The following CAMKMT variants were observed in gnomAD, a reference collection of about 807,000 sequenced individuals.
The protein encoded by CAMKMT is CaM KMT.
In CAMKMT, 53 loss-of-function variants were observed where a neutral mutation model predicts 48.0. The observed-to-expected ratio is 1.10, with a 90% CI of 0.89 to 1.39. CAMKMT has a LOEUF of 1.39. CAMKMT is among the 40% of genes most tolerant of loss of function. CAMKMT has a pLI of 0.00. For missense variants in CAMKMT, 428 were observed against 402.7 expected (o/e 1.06, Z -0.54); for synonymous variants, 165 against 152.3 (o/e 1.08, Z -0.61).
At chr2:44,534,413 C>T (rs1286453835) in intron 3 of CAMKMT, among the ~76,000 whole-genome samples, 1 of 152,102 alleles carries the variant, frequency 6.6e-6, no homozygotes, top group African/African-American at 2.4e-5. Context: ...CAACATTTTA[C>T]CCAACAGCTC....
At chr2:44,463,203 G>T (rs1253257717) in intron 3 of CAMKMT, among the ~76,000 whole-genome samples, 1 of 152,154 alleles carries the variant, frequency 6.6e-6, no homozygotes, top group Non-Finnish European at 1.5e-5. Context: ...AAAACTTAAT[G>T]GCTTACAGTA....
At chr2:44,664,343 A>G (rs936614361) in intron 3 of CAMKMT, among the ~76,000 whole-genome samples, 2 of 152,202 alleles carry the variant, frequency 1.3e-5, no homozygotes, top group Non-Finnish European at 2.9e-5. Flanking sequence ...ATTGCTTGGA[A>G]CAAACGTTAG....
chr2:44,707,971 A>C (rs1017484372), intron 6 of CAMKMT, among the ~76,000 whole-genome samples: 3 of 151,884 alleles, frequency 2.0e-5, no homozygotes, highest in Non-Finnish European at 4.4e-5. Flanking sequence ...ATTTCCTTTT[A>C]TTTAGGATTT....
At chr2:44,364,628 A>T (rs552391520) in intron 1 of CAMKMT, among the ~76,000 whole-genome samples, 2 of 152,354 alleles carry the variant, frequency 1.3e-5, no homozygotes, top group Admixed American at 1.3e-4. Context: ...TAAGTGGCGC[A>T]TAGCACCTAG....
At chr2:44,636,701 A>G (rs1395588978) in intron 3 of CAMKMT, among the ~76,000 whole-genome samples, 5 of 152,254 alleles carry the variant, frequency 3.3e-5, no homozygotes, top group African/African-American at 9.6e-5. Context: ...AGAATGTATT[A>G]GCTGTGTCTT....
intron 3 of CAMKMT, among the ~76,000 whole-genome samples, chr2:44,572,980 C>T (rs1200687183): frequency 6.6e-6 from 1 of 152,134 alleles, no homozygotes; most frequent in Non-Finnish European, 1.5e-5. Flanking sequence ...TTAATCTTTT[C>T]ATGTGCTGTT....
At chr2:44,366,301 G>A (rs930759241) in intron 1 of CAMKMT, among the ~76,000 whole-genome samples, 19 of 152,184 alleles carry the variant, frequency 1.2e-4, no homozygotes, top group African/African-American at 4.1e-4. Context: ...TGACACTGGC[G>A]TCAGATGCAT....
intron 3 of CAMKMT, among the ~76,000 whole-genome samples, chr2:44,490,261 T>G (rs1284087207): frequency 6.6e-6 from 1 of 152,100 alleles, no homozygotes; most frequent in Non-Finnish European, 1.5e-5. Context: ...TTTCTTTTTC[T>G]TGTCTTTTTC....
rs114652993 is a variant in CAMKMT, at chr2:44,552,429, A to G, written c.377-151854A>G. Among the ~76,000 whole-genome samples the G allele has an allele frequency of 6.0e-3, 912 of 152,256 alleles. 5 individuals carry two copies. The highest frequency in any genetic ancestry group is 0.021 in the African/African-American group (875 of 41,532). ...GAGGATTTAAGAAATCCTAGAAAAG[A>G]TTTCTAAAATGGAAGATTTTACTTG... is the stretch of plus-strand genomic sequence containing the variant. On this transcript the variant is annotated intron_variant, in intron 3 of 10. Transcript: ENST00000378494.
At chr2:44,472,638 G>A (rs957531355) in intron 3 of CAMKMT, among the ~76,000 whole-genome samples, 1 of 152,112 alleles carries the variant, frequency 6.6e-6, no homozygotes, top group African/African-American at 2.4e-5. Context: ...GTAAGACTTG[G>A]TGCCTGTCAC....
intron 3 of CAMKMT, among the ~76,000 whole-genome samples, chr2:44,611,417 G>C (rs1671592877): frequency 6.7e-6 from 1 of 150,324 alleles, no homozygotes. Flanking sequence ...TGGGGGACAA[G>C]AGCAAGACTT....
At position 44,769,715 on chromosome 2, in the gene CAMKMT, G is replaced by T. The variant is rs968756886; in HGVS notation, c.895-2321G>T. ...TTATTTTTCTGTATTTTTGTACATA[G>T]CTCTGAAAATAGGCTTGGGCTGGGC... On this transcript the variant is annotated intron_variant, in intron 10 of 10. Coordinates refer to ENST00000378494, the MANE Select transcript of CAMKMT (RefSeq NM_024766.5). 3.9e-5 allele frequency among the ~76,000 whole-genome samples: 6 copies of T among 151,900 alleles called. No individual in the cohort carries two copies. In the East Asian group the frequency reaches 7.7e-4, roughly 20 times the overall value.
intron 3 of CAMKMT, among the ~76,000 whole-genome samples, chr2:44,621,342 C>T (rs955581784): frequency 6.0e-5 from 9 of 149,336 alleles, no homozygotes; most frequent in Admixed American, 2.0e-4. Context: ...TTCCAAAACT[C>T]TACTCATGTT....
intron 3 of CAMKMT, among the ~76,000 whole-genome samples, chr2:44,688,524 G>T (rs928012344): frequency 1.3e-5 from 2 of 150,734 alleles, no homozygotes; most frequent in African/African-American, 4.9e-5. Context: ...ATATATTTTA[G>T]CAATCTGAAT....
intron 1 of CAMKMT, among the ~76,000 whole-genome samples, chr2:44,371,860 T>C (rs1413242944): frequency 6.6e-6 from 1 of 152,342 alleles, no homozygotes; most frequent in East Asian, 1.9e-4. Flanking sequence ...CATTTTGTCA[T>C]AATTTTTCTT....
At chr2:44,650,979 T>C (rs537547406) in intron 3 of CAMKMT, among the ~76,000 whole-genome samples, 1 of 152,214 alleles carries the variant, frequency 6.6e-6, no homozygotes, top group Non-Finnish European at 1.5e-5. Context: ...GTGGCCAATC[T>C]AAAAACACCA....
At chr2:44,362,184 C>A in intron 1 of CAMKMT, 39 bp downstream of exon 1, 2 of 1,419,948 alleles carry the variant, frequency 1.4e-6, no homozygotes, top group South Asian at 1.4e-5. Flanking sequence ...TGCCTCTGGT[C>A]ACTCCTCTCT....
chr2:44,706,686 G>A (rs542227435), intron 5 of CAMKMT, among the ~76,000 whole-genome samples: 4 of 151,098 alleles, frequency 2.6e-5, no homozygotes, highest in South Asian at 2.1e-4. Context: ...CACAGTTGGA[G>A]CACCATGATA....
intron 3 of CAMKMT, among the ~76,000 whole-genome samples, chr2:44,395,636 C>T (rs1681764266): frequency 1.3e-5 from 2 of 152,118 alleles, no homozygotes; most frequent in Admixed American, 6.5e-5. Context: ...CAAGTCTTAA[C>T]TCCTTATGTA....
Sources: allele counts gnomAD v4.1 joint callset (sites outside exome capture counted in the v4.1 genomes callset), GRCh38; gene constraint gnomAD v4.1.1; transcripts MANE v1.5; gene names NCBI Gene and HGNC (gene_info 2026-07-23, HGNC 2026-07-21).